The following UBASH3A variants were observed in gnomAD, a reference collection of about 807,000 sequenced individuals.
UBASH3A encodes the protein ubiquitin associated and SH3 domain containing A.
Under a neutral mutation model 73.5 loss-of-function variants are expected in UBASH3A, and 63 were observed. The ratio of observed to expected loss-of-function variants is 0.86; its 90% CI spans 0.70 to 1.06. The LOEUF (loss-of-function observed/expected upper bound fraction) is 1.06. Among genes scored for constraint, UBASH3A ranks in the 50% least tolerant of loss-of-function variants. The pLI is 0.00. For synonymous variants in UBASH3A, 363 were observed against 351.1 expected, an observed-to-expected ratio of 1.03 and a Z score of -0.38; for missense variants, 860 against 859.0, an observed-to-expected ratio of 1.00 and a Z score of -0.02.
chr21:42,408,145 T>C (rs1266761574), intron 2 of UBASH3A, among the ~76,000 whole-genome samples: 1 of 152,236 alleles, frequency 6.6e-6, no homozygotes, highest in African/African-American at 2.4e-5. Flanking sequence ...GGAACCACGA[T>C]GGAGAGGAGT....
intron 8 of UBASH3A, among the ~76,000 whole-genome samples, chr21:42,427,547 C>T (rs192086548): frequency 6.6e-6 from 1 of 152,334 alleles, no homozygotes; most frequent in African/African-American, 2.4e-5. Flanking sequence ...CCCCAATCGA[C>T]ACAGGAGGCG....
In UBASH3A at chr21:42,406,311, G is replaced by A. The variant is rs1251228908; in HGVS notation, c.117G>A (p.Leu39=). ...GTCTGTGTCTGCTCTTCTGCAGGCT[G>A]AAAGCGTTGGCAGCCACGGGGAGGA... ...LAMGFPVHTA[L]KALAATGRKT... Residue 39 remains leucine (L), a synonymous_variant, in exon 2 of 15, where the codon CTG becomes CTA. Coordinates refer to ENST00000319294, the MANE Select transcript of UBASH3A (RefSeq NM_018961.4). 3 of 1,613,894 alleles carry A rather than the reference G, an allele frequency of 1.9e-6. No homozygotes were observed. The highest frequency in any genetic ancestry group is 2.5e-6 in the Non-Finnish European group (3 of 1,179,850).
At chr21:42,431,105 C>CG (rs2053520584) in intron 8 of UBASH3A, among the ~76,000 whole-genome samples, 1 of 152,146 alleles carries the variant, frequency 6.6e-6, no homozygotes, top group Non-Finnish European at 1.5e-5. Context: ...TCTCTGGTCC[C>CG]AGGGGGGGCA....
chr21:42,445,750 T>C (rs998942025), intron 14 of UBASH3A, among the ~76,000 whole-genome samples: 4 of 152,196 alleles, frequency 2.6e-5, no homozygotes, highest in African/African-American at 9.7e-5. Context: ...CCCTGCAAAA[T>C]GTCTCCAGGG....
chr21:42,435,210 A>G (rs568986172), intron 10 of UBASH3A: 159 of 307,258 alleles, frequency 5.2e-4, no homozygotes, highest in Middle Eastern at 2.6e-3. Context: ...AAAGGCATGG[A>G]AAGAACAAGA....
In UBASH3A at chr21:42,413,973, T is replaced by G. The variant is rs2053153475; in HGVS notation, c.667+450T>G. ...ATGTGATTTTTTTCTGTGTCCCTGATGAGTGGCATGACCTTAATCAAGTCA... is the reference window on the plus strand; with the variant it reads ...ATGTGATTTTTTTCTGTGTCCCTGAGGAGTGGCATGACCTTAATCAAGTCA... On this transcript the variant is annotated intron_variant, in intron 5 of 14. Coordinates refer to ENST00000319294, the MANE Select transcript of UBASH3A (RefSeq NM_018961.4). This position sits in a 1 kb window ranked among gnomAD's most constrained non-coding sequence, Gnocchi z 4.5. Among the ~76,000 whole-genome samples, 1 of 152,230 alleles carries G rather than the reference T, an allele frequency of 6.6e-6. No homozygotes were observed. The highest frequency in any genetic ancestry group is 2.4e-5 in the African/African-American group (1 of 41,452).
At chr21:42,434,183 GT>G (rs1281869692) in intron 9 of UBASH3A, among the ~76,000 whole-genome samples, 2 of 152,152 alleles carry the variant, frequency 1.3e-5, no homozygotes, top group African/African-American at 2.4e-5. Context: ...CTCTTTCCCT[GT>G]TTTTTACTGA....
At chr21:42,410,977 T>C (rs1021814660) in intron 3 of UBASH3A, among the ~76,000 whole-genome samples, 5 of 140,056 alleles carry the variant, frequency 3.6e-5, no homozygotes, top group Admixed American at 2.9e-4. Flanking sequence ...TACACACACA[T>C]ACATGCATAC....
intron 3 of UBASH3A, among the ~76,000 whole-genome samples, chr21:42,412,191 C>T (rs1033688104): frequency 6.6e-6 from 1 of 152,178 alleles, no homozygotes; most frequent in Non-Finnish European, 1.5e-5. Flanking sequence ...GCCCAGATGT[C>T]AGGAGAGGCT....
intron 6 of UBASH3A, among the ~76,000 whole-genome samples, chr21:42,417,207 C>G (rs7277325): frequency 0.017 from 2,612 of 151,872 alleles, 76 homozygotes; most frequent in African/African-American, 0.059. Flanking sequence ...TGGATCACTT[C>G]AGGTCAGGTG....
intron 11 of UBASH3A, among the ~76,000 whole-genome samples, chr21:42,439,716 G>T (rs1184751831): frequency 1.1e-5 from 1 of 89,020 alleles, no homozygotes. Context: ...CACACACCAT[G>T]CACACCCACA....
At chr21:42,409,000 G>T (rs1168257702) in intron 2 of UBASH3A, among the ~76,000 whole-genome samples, 1 of 151,956 alleles carries the variant, frequency 6.6e-6, no homozygotes, top group Non-Finnish European at 1.5e-5. Flanking sequence ...TTTTGTCTAG[G>T]TTTTTGGTTT....
rs191872685 is a variant in UBASH3A at position 42,412,576 on chromosome 21, C to T, written c.355-448C>T. Reference sequence around the variant, plus strand: ...TCAGCCGTGGAAGAGAGGGTGGCCCCGCAGCTGGAAGTGCAGCTGAGTCCC... The same window carrying T: ...TCAGCCGTGGAAGAGAGGGTGGCCCTGCAGCTGGAAGTGCAGCTGAGTCCC... On this transcript the variant is annotated intron_variant, in intron 3 of 14. Coordinates refer to ENST00000319294, the MANE Select transcript of UBASH3A (RefSeq NM_018961.4). Among the ~76,000 whole-genome samples, 73 of 152,326 alleles carry T rather than the reference C, an allele frequency of 4.8e-4. 1 individual carries two copies. The highest frequency in any genetic ancestry group is 1.4e-3 in the Admixed American group (21 of 15,306).
intron 8 of UBASH3A, among the ~76,000 whole-genome samples, chr21:42,428,989 G>T (rs1289031650): frequency 2.0e-5 from 3 of 152,142 alleles, no homozygotes; most frequent in Non-Finnish European, 1.5e-5. Flanking sequence ...TGAGTGGAGG[G>T]TCTTGAAATG....
intron 11 of UBASH3A, among the ~76,000 whole-genome samples, chr21:42,440,511 C>T (rs1350413691): frequency 6.6e-6 from 1 of 152,250 alleles, no homozygotes; most frequent in Non-Finnish European, 1.5e-5. Flanking sequence ...AGTTTCCCCT[C>T]TTCTCCCCTG....
At chr21:42,425,039 C>T (rs1037627946) in intron 7 of UBASH3A, among the ~76,000 whole-genome samples, 26 of 152,160 alleles carry the variant, frequency 1.7e-4, no homozygotes, top group African/African-American at 5.1e-4. Flanking sequence ...CTGTGGCTGT[C>T]GTTGAAGCCG....
Position 42,411,088 on chromosome 21 carries a change from GAC to G in UBASH3A, c.354+1484_354+1485del, listed in dbSNP as rs2053084764. The stretch of plus-strand genomic sequence containing the variant: ...ATACATGCATACAGACACACACAGA[GAC>G]ACAGATACACACAGACACACACAGA... On this transcript the variant is annotated intron_variant, in intron 3 of 14. Transcript: ENST00000319294. 2.1e-5 allele frequency among the ~76,000 whole-genome samples: 3 copies of G among 142,240 alleles called. No individual in the cohort carries two copies. The South Asian group carries it at 6.7e-4, about 32-fold the overall frequency. The allele number at this position is 142,240 out of a possible 152,430, so 93.3% of individuals were successfully genotyped here. A position where few individuals can be genotyped will look rare whatever the true frequency, so the allele number is the denominator to read the frequency against.
rs61733938 is a variant in UBASH3A, at chr21:42,413,101, G to A, written c.432G>A (p.Thr144=). 1.2e-5 allele frequency: 19 copies of A among 1,614,192 alleles called. No individual in the cohort carries two copies. Among genetic ancestry groups the A allele is most frequent in the East Asian group, 6.7e-5 (3 of 44,884 alleles). Residue 144 remains threonine (T), a synonymous_variant, in exon 4 of 15, where the codon ACG becomes ACA. Transcript: ENST00000319294. The surrounding 1 kb of genome is among the most constrained non-coding windows in gnomAD (Gnocchi z 4.5). ...AGDRLLGSFP[T]AVPLALHSSI... is the part of the protein sequence containing the mutation. Reference sequence around the variant, plus strand: ...ACAGGCTCCTGGGCTCCTTCCCCACGGCCGTGCCTCTGGCTCTCCACTCCT... The same window carrying A: ...ACAGGCTCCTGGGCTCCTTCCCCACAGCCGTGCCTCTGGCTCTCCACTCCT...
intron 9 of UBASH3A, 107 bp downstream of exon 9, chr21:42,432,309 C>A: frequency 1.4e-6 from 1 of 729,876 alleles, no homozygotes; most frequent in Non-Finnish European, 2.4e-6. Context: ...AGGCACCATT[C>A]TGTAGAATGA....
Sources: gnomAD v4.1 joint callset for allele counts (sites outside exome capture counted in the v4.1 genomes callset) on GRCh38, gnomAD v4.1.1 for gene constraint, Gnocchi (gnomAD v3.1) non-coding constraint, MANE v1.5 for transcripts, NCBI Gene and HGNC (gene_info 2026-07-23, HGNC 2026-07-21) for gene names.